Variants in DNMT3B observed in about 807,000 individuals in gnomAD.
DNMT3B encodes the protein DNA (cytosine-5)-methyltransferase 3B.
DNMT3B carries 37 observed loss-of-function variants against 120.2 expected under a neutral mutation model. That is an observed-to-expected ratio of 0.31 (90% CI 0.24 to 0.40). DNMT3B has a LOEUF of 0.40. Ranked by LOEUF, DNMT3B falls within the 10% of genes least tolerant of loss-of-function variation. The pLI, the probability that DNMT3B is intolerant of heterozygous loss-of-function variation, is 1.00. For missense variants in DNMT3B, 878 were observed against 1,137.3 expected (o/e 0.77, Z 3.28); for synonymous variants, 412 against 442.8 (o/e 0.93, Z 0.87).
At chr20:32,797,082 C>T in intron 13 of DNMT3B, 105 bp from the exon 14 acceptor site, 1 of 1,605,048 alleles carries the variant, frequency 6.2e-7, no homozygotes, top group Non-Finnish European at 8.5e-7. Context: ...ACCAAGCCAC[C>T]AGCAGTGTGT....
At chr20:32,784,889 T>A (rs370653880) in intron 4 of DNMT3B, 30 bp downstream of exon 4, 5 of 1,609,570 alleles carry the variant, frequency 3.1e-6, no homozygotes, top group Middle Eastern at 1.7e-4. Context: ...GCCAAAGCAC[T>A]TGTGGCCAAC....
intron 8 of DNMT3B, among the ~76,000 whole-genome samples, chr20:32,792,076 T>A (rs1475546963): frequency 6.6e-6 from 1 of 152,114 alleles, no homozygotes; most frequent in African/African-American, 2.4e-5. Flanking sequence ...GGCCGTCTTA[T>A]CCCCTATGAA....
chr20:32,786,961 G>C (rs1203539172), intron 5 of DNMT3B, among the ~76,000 whole-genome samples: 3 of 152,154 alleles, frequency 2.0e-5, no homozygotes, highest in Non-Finnish European at 4.4e-5. Context: ...CAACCCTAGC[G>C]GGTATGGCAA....
At chr20:32,769,107 C>T (rs778143005) in intron 1 of DNMT3B, among the ~76,000 whole-genome samples, 2 of 152,078 alleles carry the variant, frequency 1.3e-5, no homozygotes, top group South Asian at 2.1e-4. Context: ...TTTTTTGAGA[C>T]GGAGTCTTGC....
In DNMT3B at chr20:32,768,759, G is replaced by C. The variant is rs182337412; in HGVS notation, c.-7+6060G>C. Among the ~76,000 whole-genome samples, 80 of 152,256 alleles carry C rather than the reference G, an allele frequency of 5.3e-4. 1 individual carries two copies. The highest frequency in any genetic ancestry group is 1.9e-3 in the African/African-American group (78 of 41,546). ...GCCAGCTACAGGCCCCCGCTCTTTT[G>C]TGAAAAGATGGTTGTGATGAAGACT... On this transcript the variant is annotated intron_variant, in intron 1 of 22. Transcript: ENST00000328111.
intron 1 of DNMT3B, chr20:32,780,069 C>T: frequency 6.2e-7 from 1 of 1,607,526 alleles, no homozygotes; most frequent in Non-Finnish European, 8.5e-7. Context: ...GGCCTCCCCA[C>T]TCTGTCCTGG....
At chr20:32,790,628 G>A (rs1979867732) in intron 7 of DNMT3B, among the ~76,000 whole-genome samples, 1 of 152,174 alleles carries the variant, frequency 6.6e-6, no homozygotes, top group African/African-American at 2.4e-5. Context: ...TTGCATGAGT[G>A]TGAGCACTCT....
chr20:32,773,756 C>T lies in DNMT3B; in HGVS notation c.-6-6562C>T, dbSNP rs562264199. On this transcript the variant is annotated intron_variant, in intron 1 of 22. Coordinates refer to ENST00000328111, the MANE Select transcript of DNMT3B (RefSeq NM_006892.4). Reference sequence around the variant, plus strand: ...GCCTCCGAGGAGGTGGGACTACAGGCGAGTAGCTAGGACTACAGGGGCAGG... The same window carrying T: ...GCCTCCGAGGAGGTGGGACTACAGGTGAGTAGCTAGGACTACAGGGGCAGG... Among the ~76,000 whole-genome samples, 8 of 151,524 alleles carry T rather than the reference C, an allele frequency of 5.3e-5. No homozygotes were observed. In the South Asian group the frequency reaches 6.3e-4, roughly 12 times the overall value.
At chr20:32,799,718 A>T (rs555258962) in intron 16 of DNMT3B, among the ~76,000 whole-genome samples, 1 of 152,092 alleles carries the variant, frequency 6.6e-6, no homozygotes, top group Non-Finnish European at 1.5e-5. Flanking sequence ...GGGTTTCTCC[A>T]CGTTGGTCAG....
At chr20:32,784,697 G>A (rs1326376419) in intron 3 of DNMT3B, 61 bp from the exon 4 acceptor site, 1 of 1,588,276 alleles carries the variant, frequency 6.3e-7, no homozygotes, top group Non-Finnish European at 8.6e-7. Context: ...CAGGTGCCTT[G>A]TTTCTTTGAC....
intron 7 of DNMT3B, 146 bp downstream of exon 7, chr20:32,789,158 T>C: frequency 7.9e-7 from 1 of 1,259,470 alleles, no homozygotes. Flanking sequence ...AAACTTCCTG[T>C]GTTAACCAGC....
intron 7 of DNMT3B, among the ~76,000 whole-genome samples, chr20:32,789,748 C>T (rs908973208): frequency 6.6e-5 from 10 of 152,152 alleles, no homozygotes; most frequent in South Asian, 4.1e-4. Flanking sequence ...CACCTGCCAC[C>T]GCACCCTGCT....
chr20:32,806,091 C>G, intron 21 of DNMT3B, 118 bp from the exon 22 acceptor site: 4 of 936,578 alleles, frequency 4.3e-6, no homozygotes, highest in Non-Finnish European at 7.1e-6. Context: ...TCTCCCAGCC[C>G]TGCCACTCTT....
intron 13 of DNMT3B, 100 bp from the exon 14 acceptor site, chr20:32,797,087 G>T (rs1377915307): frequency 1.3e-5 from 21 of 1,605,214 alleles, no homozygotes; most frequent in Non-Finnish European, 1.7e-5. Flanking sequence ...GCCACCAGCA[G>T]TGTGTTCTGC....
intron 1 of DNMT3B, among the ~76,000 whole-genome samples, chr20:32,778,197 G>A (rs532187577): frequency 2.0e-5 from 3 of 152,246 alleles, no homozygotes; most frequent in African/African-American, 7.2e-5. Flanking sequence ...TCAGCTGGGC[G>A]TGGTGGCGCA....
intron 7 of DNMT3B, among the ~76,000 whole-genome samples, chr20:32,790,790 CAG>C (rs2145971892): frequency 6.6e-6 from 1 of 152,232 alleles, no homozygotes; most frequent in South Asian, 2.1e-4. Context: ...TCTGCCTTAA[CAG>C]AGCAGCTGAG....
At chr20:32,781,515 T>A in intron 3 of DNMT3B, 101 bp downstream of exon 3, 1 of 1,273,308 alleles carries the variant, frequency 7.9e-7, no homozygotes, top group Non-Finnish European at 1.1e-6. Context: ...TCTGCAAATG[T>A]ATGGAGGGTT....
At chr20:32,763,112 T>C (rs1404759896) in intron 1 of DNMT3B, among the ~76,000 whole-genome samples, 2 of 151,960 alleles carry the variant, frequency 1.3e-5, no homozygotes, top group South Asian at 4.2e-4. Flanking sequence ...GGGGGTGTAA[T>C]TACCTGGCCT....
chr20:32,763,013 G>C (rs1987068675), intron 1 of DNMT3B, among the ~76,000 whole-genome samples: 1 of 152,140 alleles, frequency 6.6e-6, no homozygotes. Context: ...TTGCTCGCAG[G>C]GAGGGGGACG....
Sources: gnomAD v4.1 joint callset for allele counts (sites outside exome capture counted in the v4.1 genomes callset) on GRCh38, gnomAD v4.1.1 for gene constraint, MANE v1.5 for transcripts, NCBI Gene and HGNC (gene_info 2026-07-23, HGNC 2026-07-21) for gene names.